The following ANO3 variants were observed in gnomAD, a reference collection of about 807,000 sequenced individuals.
The protein encoded by ANO3 is anoctamin 3, also known as anoctamin-3.
Under a neutral mutation model 144.8 loss-of-function variants are expected in ANO3, and 99 were observed. The ratio of observed to expected loss-of-function variants is 0.68; its 90% CI spans 0.58 to 0.81. The LOEUF (loss-of-function observed/expected upper bound fraction) is 0.81. ANO3 is among the 30% of genes least tolerant of loss of function. ANO3 has a pLI of 0.00. For missense variants in ANO3, 905 were observed against 1,202.2 expected, an observed-to-expected ratio of 0.75 and a Z score of 3.66; for synonymous variants, 414 against 392.6, an observed-to-expected ratio of 1.05 and a Z score of -0.64.
At chr11:26,301,088 G>A (rs948013179) in intron 1 of ANO3, among the ~76,000 whole-genome samples, 1 of 136,346 alleles carries the variant, frequency 7.3e-6, no homozygotes, top group South Asian at 2.2e-4. Flanking sequence ...TCCTGACCTC[G>A]AGATCCACCT....
rs548785638 is a variant in ANO3, at chr11:26,251,297, C to T, written c.155-58348C>T. ...AGGCACAGGAAGCAAACAGGGGGTTCGCCCAGACTCTGGATCAAAGCTGAG... is the reference window on the plus strand; with the variant it reads ...AGGCACAGGAAGCAAACAGGGGGTTTGCCCAGACTCTGGATCAAAGCTGAG... On this transcript the variant is annotated intron_variant, in intron 1 of 27. Transcript: ENST00000672621. Among the ~76,000 whole-genome samples, 237 of 152,238 alleles carry T rather than the reference C, an allele frequency of 1.6e-3. 1 individual carries two copies. Among genetic ancestry groups the T allele is most frequent in the African/African-American group, 4.8e-3 (199 of 41,560 alleles).
At chr11:26,628,722 T>G (rs1852672984) in intron 18 of ANO3, among the ~76,000 whole-genome samples, 1 of 152,218 alleles carries the variant, frequency 6.6e-6, no homozygotes, top group Admixed American at 6.5e-5. Flanking sequence ...CTTATTATTT[T>G]TAATGATCCT....
chr11:26,296,759 C>T (rs945962939), intron 1 of ANO3, among the ~76,000 whole-genome samples: 2 of 152,058 alleles, frequency 1.3e-5, no homozygotes, highest in African/African-American at 4.8e-5. Flanking sequence ...GCCAGTAGGG[C>T]CTTAACAATT....
intron 1 of ANO3, among the ~76,000 whole-genome samples, chr11:26,325,576 G>A (rs572914866): frequency 1.4e-4 from 21 of 152,098 alleles, no homozygotes; most frequent in Admixed American, 5.9e-4. Flanking sequence ...ATTTTCATAA[G>A]TAAATTAAAT....
chr11:26,340,057 G>T (rs374002554), intron 1 of ANO3, among the ~76,000 whole-genome samples: 4 of 152,180 alleles, frequency 2.6e-5, no homozygotes, highest in African/African-American at 9.7e-5. Flanking sequence ...TTGCCTGAAA[G>T]TTACGTTACT....
In ANO3 at chr11:26,268,827, T is replaced by C. The variant is rs186767124; in HGVS notation, c.155-40818T>C. On this transcript the variant is annotated intron_variant, in intron 1 of 27. Coordinates refer to the ANO3 transcript ENST00000672621. Reference sequence around the variant, plus strand: ...TGCCCCACACAACACAGTACAGGCTTAACAGACCTAGAAGGCAGTAAGAAT... The same window carrying C: ...TGCCCCACACAACACAGTACAGGCTCAACAGACCTAGAAGGCAGTAAGAAT... 1.1e-3 allele frequency among the ~76,000 whole-genome samples: 160 copies of C among 152,244 alleles called. 2 individuals carry two copies. The East Asian group carries it at 0.027, about 25-fold the overall frequency.
At chr11:26,586,950 C>T (rs7945560) in intron 14 of ANO3, among the ~76,000 whole-genome samples, 29,788 of 151,952 alleles carry the variant, frequency 0.2, 3,123 homozygotes, top group East Asian at 0.34. Context: ...GTCATAGATT[C>T]GTAGAGTTTT....
chr11:26,649,169 CA>C (rs1234206352), intron 24 of ANO3, among the ~76,000 whole-genome samples: 1 of 151,992 alleles, frequency 6.6e-6, no homozygotes, highest in Admixed American at 6.6e-5. Flanking sequence ...AAAACCCTAG[CA>C]AAAACAAAAC....
chr11:26,293,998 G>A (rs1039519560), intron 1 of ANO3, among the ~76,000 whole-genome samples: 1 of 152,044 alleles, frequency 6.6e-6, no homozygotes, highest in African/African-American at 2.4e-5. Context: ...GCACTTCAAT[G>A]GAAGAGTCTC....
chr11:26,534,164 T>C (rs1484573041), intron 8 of ANO3, among the ~76,000 whole-genome samples: 1 of 152,174 alleles, frequency 6.6e-6, no homozygotes, highest in East Asian at 1.9e-4. Context: ...GGAAATACAT[T>C]GCTTAAGGTA....
intron 1 of ANO3, among the ~76,000 whole-genome samples, chr11:26,354,213 A>T (rs1303311040): frequency 6.6e-6 from 1 of 152,230 alleles, no homozygotes; most frequent in Non-Finnish European, 1.5e-5. Context: ...TGTAACGTAC[A>T]GAATTGAAAA....
chr11:26,194,454 G>GTA (rs879749565), intron 1 of ANO3, among the ~76,000 whole-genome samples: 1,843 of 147,246 alleles, frequency 0.013, 64 homozygotes, highest in African/African-American at 0.034. Flanking sequence ...GTGTGTGTGT[G>GTA]TGTGTGTGTG....
chr11:26,602,538 G>GC (rs1232309066), intron 17 of ANO3, among the ~76,000 whole-genome samples: 3 of 151,778 alleles, frequency 2.0e-5, no homozygotes, highest in Non-Finnish European at 4.4e-5. Flanking sequence ...ACCAGCCCGG[G>GC]CAACATAGTG....
intron 17 of ANO3, among the ~76,000 whole-genome samples, chr11:26,608,100 C>A (rs893107842): frequency 1.3e-5 from 2 of 152,196 alleles, no homozygotes; most frequent in African/African-American, 4.8e-5. Flanking sequence ...AGACTGCTGA[C>A]CCTTGGATGG....
intron 1 of ANO3, among the ~76,000 whole-genome samples, chr11:26,435,918 C>A (rs1858278850): frequency 6.6e-6 from 1 of 152,158 alleles, no homozygotes; most frequent in South Asian, 2.1e-4. Flanking sequence ...TGGTTAACAA[C>A]CCTTGTTGGA....
At chr11:26,614,251 A>G (rs1043615487) in intron 17 of ANO3, among the ~76,000 whole-genome samples, 4 of 152,234 alleles carry the variant, frequency 2.6e-5, no homozygotes, top group African/African-American at 9.6e-5. Context: ...TGTGCAGTGT[A>G]GGTGCACATG....
At chr11:26,277,136 C>G (rs1289026089) in intron 1 of ANO3, among the ~76,000 whole-genome samples, 1 of 151,460 alleles carries the variant, frequency 6.6e-6, no homozygotes, top group African/African-American at 2.4e-5. Flanking sequence ...AGATATCTCT[C>G]TATTTCACAA....
At chr11:26,647,666 A>G (rs1565164768) in intron 23 of ANO3, 43 bp from the exon 24 acceptor site, 1 of 1,555,948 alleles carries the variant, frequency 6.4e-7, no homozygotes, top group East Asian at 2.3e-5. Flanking sequence ...GGGTTTTCAT[A>G]TTCTTCATTT....
At chr11:26,208,306 T>A (rs1194790229) in intron 1 of ANO3, 1 of 151,916 alleles carries the variant, frequency 6.6e-6, no homozygotes, top group Non-Finnish European at 1.5e-5. Flanking sequence ...GGTCAGGAGA[T>A]CGAGACCATC....
Sources: gnomAD v4.1 joint callset for allele counts (sites outside exome capture counted in the v4.1 genomes callset) on GRCh38, gnomAD v4.1.1 for gene constraint, MANE v1.5 for transcripts, NCBI Gene and HGNC (gene_info 2026-07-23, HGNC 2026-07-21) for gene names.